Variants in EPB41 observed in about 807,000 individuals in gnomAD.
EPB41 encodes the protein erythrocyte membrane protein band 4.1.
Under a neutral mutation model 108.0 loss-of-function variants are expected in EPB41, and 65 were observed. The ratio of observed to expected loss-of-function variants is 0.60; its 90% CI spans 0.49 to 0.74. The LOEUF (loss-of-function observed/expected upper bound fraction) is 0.74. Among genes scored for constraint, EPB41 ranks in the 30% least tolerant of loss-of-function variants. EPB41 has a pLI of 0.00. For missense variants in EPB41, 875 were observed against 1,037.0 expected (o/e 0.84, Z 2.15); for synonymous variants, 336 against 358.9 (o/e 0.94, Z 0.72).
intron 7 of EPB41, among the ~76,000 whole-genome samples, chr1:29,021,452 T>C (rs1572593639): frequency 6.6e-6 from 1 of 152,210 alleles, no homozygotes; most frequent in East Asian, 1.9e-4. Context: ...TGAATACATT[T>C]CTATTTAATA....
At chr1:28,967,585 A>T (rs1324999272) in intron 1 of EPB41, among the ~76,000 whole-genome samples, 1 of 151,878 alleles carries the variant, frequency 6.6e-6, no homozygotes, top group Non-Finnish European at 1.5e-5. Context: ...CTTCATTTTC[A>T]GCAGTTTTCT....
chr1:28,902,319 C>T (rs150093), intron 1 of EPB41: 846,510 of 985,372 alleles, frequency 0.86, 364,379 homozygotes, highest in East Asian at 1. Context: ...TTCTGGAGCC[C>T]GAGCTTTGCA....
chr1:28,963,558 T>C (rs954942464), intron 1 of EPB41, among the ~76,000 whole-genome samples: 4 of 152,184 alleles, frequency 2.6e-5, no homozygotes, highest in African/African-American at 9.7e-5. Context: ...TATCTCATAG[T>C]CCCTCTGGAG....
chr1:29,031,982 C>G (rs1204994995), intron 8 of EPB41: 2 of 151,728 alleles, frequency 1.3e-5, no homozygotes, highest in East Asian at 3.9e-4. Context: ...TTTGGTGGTC[C>G]CAGCTACTCA....
rs531565361 is a variant in EPB41 at position 29,115,453 on chromosome 1, C to T, written c.2497-246C>T. On this transcript the variant is annotated intron_variant, in intron 19 of 20. Coordinates refer to ENST00000343067, the MANE Select transcript of EPB41 (RefSeq NM_001376013.1). This position sits in a 1 kb window ranked among gnomAD's most constrained non-coding sequence, Gnocchi z 4.4. ...ATATAACAGATACAGCTATGACCCC[C>T]GAAGTCCCTCTCCAGTTCCTAGAAG... Among the ~76,000 whole-genome samples the T allele has an allele frequency of 2.6e-5, 4 of 152,154 alleles. No homozygotes were observed. Among genetic ancestry groups the T allele is most frequent in the East Asian group, 1.9e-4 (1 of 5,170 alleles).
intron 11 of EPB41, among the ~76,000 whole-genome samples, chr1:29,050,344 C>G (rs1573103523): frequency 6.6e-6 from 1 of 152,232 alleles, no homozygotes; most frequent in African/African-American, 2.4e-5. Context: ...TTTGGCTCTG[C>G]AGTATTAGTA....
rs536036308 is a variant in EPB41 at position 28,984,076 on chromosome 1, C to T, written c.-7-3355C>T. 1.1e-4 allele frequency among the ~76,000 whole-genome samples: 16 copies of T among 152,208 alleles called. No individual in the cohort carries two copies. The South Asian group carries it at 1.2e-3, about 12-fold the overall frequency. ...CCTCTGAAGTACAGCCATCTCCAGC[C>T]GAATTCTTCTCTGAAGTTACACCAT... On this transcript the variant is annotated intron_variant, in intron 1 of 20. Transcript: ENST00000343067.
intron 1 of EPB41, among the ~76,000 whole-genome samples, chr1:28,948,561 A>G (rs2094577756): frequency 6.6e-6 from 1 of 151,736 alleles, no homozygotes; most frequent in East Asian, 1.9e-4. Flanking sequence ...ATTGGAGGAT[A>G]GCAAGAATGG....
intron 7 of EPB41, among the ~76,000 whole-genome samples, chr1:29,023,032 T>C (rs1051348385): frequency 6.6e-6 from 1 of 152,026 alleles, no homozygotes; most frequent in Admixed American, 6.5e-5. Flanking sequence ...TTCACTCTTG[T>C]CGCCCAGGCT....
At chr1:29,109,122 C>T (rs371635539) in intron 17 of EPB41, among the ~76,000 whole-genome samples, 19 of 151,362 alleles carry the variant, frequency 1.3e-4, no homozygotes, top group East Asian at 9.8e-4. Flanking sequence ...TGCTTGAAAC[C>T]GGGAAGCGGA....
At chr1:28,945,078 C>T (rs747911572) in intron 1 of EPB41, among the ~76,000 whole-genome samples, 29 of 142,086 alleles carry the variant, frequency 2.0e-4, no homozygotes, top group Non-Finnish European at 3.2e-4. Context: ...AGAGTGAGAT[C>T]GTGTCTCAAA....
At chr1:29,019,326 G>A (rs930818998) in intron 7 of EPB41, among the ~76,000 whole-genome samples, 1 of 152,162 alleles carries the variant, frequency 6.6e-6, no homozygotes, top group Admixed American at 6.6e-5. Flanking sequence ...GATAGTCTGG[G>A]AGGTCAAGGC....
intron 7 of EPB41, among the ~76,000 whole-genome samples, chr1:29,020,480 C>T (rs2993713): frequency 0.18 from 26,863 of 151,846 alleles, 2,858 homozygotes; most frequent in East Asian, 0.47. Flanking sequence ...ATTAGAATGT[C>T]AATACTGTAG....
chr1:28,931,305 G>T (rs553401752), intron 1 of EPB41, among the ~76,000 whole-genome samples: 2 of 151,018 alleles, frequency 1.3e-5, no homozygotes, highest in African/African-American at 4.9e-5. Flanking sequence ...GGCTGAGGTG[G>T]GAGGGTCACT....
chr1:28,941,617 C>T (rs554736174), intron 1 of EPB41, among the ~76,000 whole-genome samples: 7 of 152,276 alleles, frequency 4.6e-5, no homozygotes, highest in African/African-American at 1.4e-4. Context: ...TTTCTCAGGC[C>T]GGGCACAGTG....
At position 29,053,211 on chromosome 1, in the gene EPB41, A is replaced by G; in HGVS notation, c.1744A>G (p.Thr582Ala). 6.2e-7 allele frequency: 1 copy of G among 1,614,228 alleles called. No individual in the cohort carries two copies. ...GGVLDASAKK[T>A]VVPKAQKETV... is the part of the protein sequence containing the mutation. ...CGTCCTAGATGCCTCTGCTAAAAAA[A>G]CAGTGGTCCCTAAAGCACAGAAGGA... The change falls in exon 12 of 21, where the codon ACA becomes GCA. Residue 582 changes from threonine to alanine, a missense_variant. Transcript: ENST00000343067.
chr1:29,044,328 G>C (rs1203582672), intron 11 of EPB41, among the ~76,000 whole-genome samples: 6 of 152,160 alleles, frequency 3.9e-5, no homozygotes, highest in Admixed American at 2.0e-4. Context: ...GGAGTTTCAT[G>C]GTTATATAGA....
intron 4 of EPB41, among the ~76,000 whole-genome samples, chr1:29,006,568 T>C (rs1409628762): frequency 6.6e-6 from 1 of 152,004 alleles, no homozygotes; most frequent in Non-Finnish European, 1.5e-5. Context: ...CACATCTGTA[T>C]AAACGCCCCC....
chr1:29,115,339 G>A lies in EPB41; in HGVS notation c.2497-360G>A, dbSNP rs1041094472. Among the ~76,000 whole-genome samples, 1 of 152,142 alleles carries A rather than the reference G, an allele frequency of 6.6e-6. No individual in the cohort carries two copies. The highest frequency in any genetic ancestry group is 1.5e-5 in the Non-Finnish European group (1 of 68,028). ...ACCTGGGAGGCGGAGGTTGCAGTGA[G>A]CCGAGATTGCACCATTGCACTCCAG... On this transcript the variant is annotated intron_variant, in intron 19 of 20. Transcript: ENST00000343067. The surrounding 1 kb of genome is among the most constrained non-coding windows in gnomAD (Gnocchi z 4.4).
Sources: allele counts gnomAD v4.1 joint callset (sites outside exome capture counted in the v4.1 genomes callset), GRCh38; gene constraint gnomAD v4.1.1; non-coding constraint Gnocchi (gnomAD v3.1); transcripts MANE v1.5; gene names NCBI Gene and HGNC (gene_info 2026-07-23, HGNC 2026-07-21).